Variants in ACOXL observed in about 807,000 individuals in gnomAD.
ACOXL encodes acyl-coenzyme A oxidase-like protein.
In ACOXL, 70 loss-of-function variants were observed where a neutral mutation model predicts 71.9. That is an observed-to-expected ratio of 0.97 (90% CI 0.80 to 1.19). ACOXL has a LOEUF of 1.19. ACOXL is among the 50% of genes most tolerant of loss of function. ACOXL has a pLI of 0.00. For synonymous variants in ACOXL, 253 were observed against 281.6 expected, an observed-to-expected ratio of 0.90 and a Z score of 1.02; for missense variants, 703 against 736.3, an observed-to-expected ratio of 0.95 and a Z score of 0.52.
At chr2:110,907,962 G>A (rs2059517578) in intron 10 of ACOXL, among the ~76,000 whole-genome samples, 1 of 152,152 alleles carries the variant, frequency 6.6e-6, no homozygotes, top group Non-Finnish European at 1.5e-5. Context: ...CACAATGTAT[G>A]TGTGTGTGTG....
At chr2:110,961,036 G>A (rs947185537) in intron 12 of ACOXL, among the ~76,000 whole-genome samples, 1 of 152,194 alleles carries the variant, frequency 6.6e-6, no homozygotes, top group Non-Finnish European at 1.5e-5. Flanking sequence ...GGCCTTTCTG[G>A]CTTATTCTAA....
At chr2:111,114,693 C>G (rs1389178878) in intron 17 of ACOXL, among the ~76,000 whole-genome samples, 1 of 152,036 alleles carries the variant, frequency 6.6e-6, no homozygotes, top group African/African-American at 2.4e-5. Flanking sequence ...CCATGCCATG[C>G]TGGGAAAATA....
At chr2:111,048,864 A>C (rs962126273) in intron 15 of ACOXL, among the ~76,000 whole-genome samples, 4 of 152,186 alleles carry the variant, frequency 2.6e-5, no homozygotes, top group African/African-American at 9.7e-5. Flanking sequence ...TTACAAAGGC[A>C]GGTGGAGTCT....
chr2:110,763,037 T>C (rs186146958), intron 1 of ACOXL, among the ~76,000 whole-genome samples: 1 of 152,322 alleles, frequency 6.6e-6, no homozygotes, highest in Non-Finnish European at 1.5e-5. Flanking sequence ...ACATTAAATA[T>C]TATTTCAAAA....
At chr2:110,923,357 T>C (rs796776881) in intron 11 of ACOXL, among the ~76,000 whole-genome samples, 1 of 152,146 alleles carries the variant, frequency 6.6e-6, no homozygotes, top group African/African-American at 2.4e-5. Flanking sequence ...ATCTTGGTCG[T>C]AGGGCCCATC....
chr2:110,794,276 T>C, intron 5 of ACOXL, 102 bp downstream of exon 5: 1 of 1,124,228 alleles, frequency 8.9e-7, no homozygotes, highest in Non-Finnish European at 1.3e-6. Context: ...CTGTGTGTGC[T>C]CTCTGGCCCA....
chr2:110,974,182 T>G (rs1171500397), intron 12 of ACOXL, among the ~76,000 whole-genome samples: 1 of 152,192 alleles, frequency 6.6e-6, no homozygotes, highest in Non-Finnish European at 1.5e-5. Context: ...TTGATTCTCC[T>G]TATTGAAGTA....
chr2:110,759,313 G>A (rs948166808), intron 1 of ACOXL, among the ~76,000 whole-genome samples: 6 of 152,138 alleles, frequency 3.9e-5, no homozygotes, highest in South Asian at 2.1e-4. Flanking sequence ...GAGAGTCTAC[G>A]TCTCTTTGTA....
At chr2:110,889,957 T>A (rs1697753084) in intron 10 of ACOXL, among the ~76,000 whole-genome samples, 1 of 152,200 alleles carries the variant, frequency 6.6e-6, no homozygotes, top group African/African-American at 2.4e-5. Context: ...TTTCTCCACA[T>A]ACTAGCCATA....
intron 10 of ACOXL, among the ~76,000 whole-genome samples, chr2:110,905,655 AG>A (rs1234839576): frequency 6.6e-6 from 1 of 152,188 alleles, no homozygotes; most frequent in Non-Finnish European, 1.5e-5. Flanking sequence ...CTGGGCCAGC[AG>A]GTAATGTCAG....
At chr2:110,805,478 C>A in intron 9 of ACOXL, 83 bp downstream of exon 9, 1 of 1,571,044 alleles carries the variant, frequency 6.4e-7, no homozygotes, top group Non-Finnish European at 8.7e-7. Context: ...AGGAGCTGAG[C>A]TTCTGGAGCC....
intron 10 of ACOXL, among the ~76,000 whole-genome samples, chr2:110,873,352 TG>T (rs1695500107): frequency 6.6e-6 from 1 of 151,950 alleles, no homozygotes; most frequent in Non-Finnish European, 1.5e-5. Context: ...TGGCCCCAGC[TG>T]GGGCCCAGTG....
intron 10 of ACOXL, among the ~76,000 whole-genome samples, chr2:110,856,542 G>A (rs957738789): frequency 5.9e-5 from 9 of 152,242 alleles, no homozygotes; most frequent in Non-Finnish European, 1.3e-4. Flanking sequence ...GCAATCATAT[G>A]CTGCGGTTGC....
intron 10 of ACOXL, among the ~76,000 whole-genome samples, chr2:110,870,592 C>T (rs954126465): frequency 1.3e-5 from 2 of 152,130 alleles, no homozygotes; most frequent in Non-Finnish European, 2.9e-5. Flanking sequence ...AGAGCTAGAA[C>T]CCAGGCATTC....
chr2:111,097,532 C>T (rs547302963), intron 17 of ACOXL, among the ~76,000 whole-genome samples: 1 of 152,292 alleles, frequency 6.6e-6, no homozygotes, highest in African/African-American at 2.4e-5. Flanking sequence ...AACCAGGGTC[C>T]TTGGAGAAAT....
At chr2:110,962,796 A>G (rs578062417) in intron 12 of ACOXL, among the ~76,000 whole-genome samples, 1 of 152,356 alleles carries the variant, frequency 6.6e-6, no homozygotes, top group Admixed American at 6.5e-5. Flanking sequence ...TACTCCTGGG[A>G]GAAGTAACAG....
chr2:110,966,235 T>G (rs528499309), intron 12 of ACOXL, among the ~76,000 whole-genome samples: 1 of 152,220 alleles, frequency 6.6e-6, no homozygotes, highest in Non-Finnish European at 1.5e-5. Context: ...CAGAGTAGTG[T>G]CAGCAAGGCC....
At chr2:110,921,143 G>C (rs887727931) in intron 11 of ACOXL, among the ~76,000 whole-genome samples, 1 of 151,928 alleles carries the variant, frequency 6.6e-6, no homozygotes, top group East Asian at 1.9e-4. Context: ...GGATCAGTGC[G>C]ATTTCTCCCC....
intron 10 of ACOXL, among the ~76,000 whole-genome samples, chr2:110,901,716 C>G (rs2059242384): frequency 6.6e-6 from 1 of 151,916 alleles, no homozygotes; most frequent in Non-Finnish European, 1.5e-5. Context: ...TCCATCTCCT[C>G]TACAGATGGA....
Sources: gnomAD v4.1 joint callset for allele counts (sites outside exome capture counted in the v4.1 genomes callset) on GRCh38, gnomAD v4.1.1 for gene constraint, MANE v1.5 for transcripts, NCBI Gene and HGNC (gene_info 2026-07-23, HGNC 2026-07-21) for gene names.